ASAP2: variants seen among roughly 807,000 people sequenced by gnomAD.
ASAP2 encodes arf-GAP with SH3 domain, ANK repeat and PH domain-containing protein 2.
In ASAP2, 45 loss-of-function variants were observed where a neutral mutation model predicts 131.4. The ratio of observed to expected loss-of-function variants is 0.34; its 90% CI spans 0.27 to 0.44. The LOEUF is 0.44. ASAP2 is among the 20% of genes least tolerant of loss of function. ASAP2 has a pLI of 1.00. For missense variants in ASAP2, 1,011 were observed against 1,297.0 expected, an observed-to-expected ratio of 0.78 and a Z score of 3.39; for synonymous variants, 510 against 503.0, an observed-to-expected ratio of 1.01 and a Z score of -0.19.
intron 1 of ASAP2, among the ~76,000 whole-genome samples, chr2:9,265,846 C>T (rs150086919): frequency 3.2e-4 from 48 of 152,354 alleles, no homozygotes; most frequent in African/African-American, 1.1e-3. Flanking sequence ...GATCTTGACT[C>T]ACTGCAACCT....
chr2:9,233,041 C>T (rs1011286082), intron 1 of ASAP2, among the ~76,000 whole-genome samples: 2 of 152,118 alleles, frequency 1.3e-5, no homozygotes, highest in Non-Finnish European at 2.9e-5. Context: ...GAGAATGCTG[C>T]CAGTCTGTGC....
At position 9,389,323 on chromosome 2, in the gene ASAP2, C is replaced by T. The variant is rs1020694839; in HGVS notation, c.2383+777C>T. On this transcript the variant is annotated intron_variant, in intron 22 of 27. Transcript: ENST00000281419. The surrounding 1 kb of genome is among the most constrained non-coding windows in gnomAD (Gnocchi z 4.7). ...GAAGGAGGCTGCTGAGACTTTGATG[C>T]GGGGCGGGGGGCCCAGGAAGGACAA... Among the ~76,000 whole-genome samples the T allele has an allele frequency of 4.6e-5, 7 of 152,130 alleles. No homozygotes were observed. The highest frequency in any genetic ancestry group is 2.1e-4 in the South Asian group (1 of 4,826).
chr2:9,386,975 C>T (rs557801032), intron 21 of ASAP2, among the ~76,000 whole-genome samples: 12 of 151,856 alleles, frequency 7.9e-5, no homozygotes, highest in South Asian at 2.1e-4. Flanking sequence ...GAGGCTGAGG[C>T]GGGCGGATCA....
intron 3 of ASAP2, among the ~76,000 whole-genome samples, chr2:9,303,744 T>C (rs909386141): frequency 6.6e-6 from 1 of 152,268 alleles, no homozygotes; most frequent in African/African-American, 2.4e-5. Flanking sequence ...GTCAGATATC[T>C]ACATTTTGGT....
Position 9,374,757 on chromosome 2 carries a change from A to G in ASAP2, c.1559A>G (p.Asn520Ser), listed in dbSNP as rs149961218. Residue 520 changes from asparagine to serine, a missense_variant and splice_region_variant, in exon 17 of 28, where the codon AAT (asparagine) becomes AGT (serine). Asn to Ser is a conservative substitution (Grantham distance 46, BLOSUM62 1). Transcript: ENST00000281419. ...SVKPNPGSDM[N>S]ARKDYITAKY... is the part of the protein sequence containing the mutation. ...AAGGCAATTACGTTTGGTTTCAGGA[A>G]TGCAAGAAAGGACTACATCACAGCC... The G allele has an allele frequency of 5.7e-6, 9 of 1,591,958 alleles. No homozygotes were observed. The highest frequency in any genetic ancestry group is 6.8e-6 in the Non-Finnish European group (8 of 1,170,410).
chr2:9,400,399 T>C (rs1172146353), intron 25 of ASAP2, among the ~76,000 whole-genome samples: 1 of 58,920 alleles, frequency 1.7e-5, no homozygotes. Context: ...CACCCCTCCC[T>C]TCCCCTCCCC....
At chr2:9,346,288 A>C (rs902270058) in intron 11 of ASAP2, among the ~76,000 whole-genome samples, 3 of 152,112 alleles carry the variant, frequency 2.0e-5, no homozygotes, top group African/African-American at 4.8e-5. Flanking sequence ...TTAGCCAGGC[A>C]TGGTGGTGCA....
At chr2:9,339,886 G>A (rs1349959716) in intron 9 of ASAP2, among the ~76,000 whole-genome samples, 1 of 152,182 alleles carries the variant, frequency 6.6e-6, no homozygotes, top group East Asian at 1.9e-4. Flanking sequence ...CTCTAGGGGA[G>A]GAGGGACCTG....
intron 1 of ASAP2, among the ~76,000 whole-genome samples, chr2:9,264,834 G>A (rs954159990): frequency 2.0e-5 from 3 of 152,052 alleles, no homozygotes; most frequent in African/African-American, 7.2e-5. Context: ...AACTAATACA[G>A]CAATTTAAAA....
intron 1 of ASAP2, among the ~76,000 whole-genome samples, chr2:9,235,571 G>C (rs995092239): frequency 6.6e-6 from 1 of 152,164 alleles, no homozygotes; most frequent in Non-Finnish European, 1.5e-5. Context: ...GGAGTGAAGG[G>C]AGTGAAGTAA....
At chr2:9,399,804 A>G (rs1168952803) in intron 24 of ASAP2, 1 of 581,522 alleles carries the variant, frequency 1.7e-6, no homozygotes, top group Non-Finnish European at 3.1e-6. Context: ...AGTGCTCTGG[A>G]AAAGCCCTGG....
At chr2:9,214,927 T>A (rs1438000216) in intron 1 of ASAP2, among the ~76,000 whole-genome samples, 2 of 152,220 alleles carry the variant, frequency 1.3e-5, no homozygotes, top group Admixed American at 1.3e-4. Flanking sequence ...GTGATCTGCC[T>A]CTTCAGAAAA....
intron 1 of ASAP2, among the ~76,000 whole-genome samples, chr2:9,211,591 A>G (rs934124001): frequency 2.6e-5 from 4 of 152,144 alleles, no homozygotes; most frequent in African/African-American, 9.7e-5. Flanking sequence ...AATTTAATCT[A>G]CTTCCTTCCG....
intron 23 of ASAP2, among the ~76,000 whole-genome samples, chr2:9,391,772 A>G (rs1183261758): frequency 7.0e-6 from 1 of 142,064 alleles, no homozygotes; most frequent in African/African-American, 2.7e-5. Context: ...TTTAGTAGAG[A>G]TGGGGTTTCA....
intron 23 of ASAP2, among the ~76,000 whole-genome samples, chr2:9,391,599 A>G (rs1053306770): frequency 7.0e-6 from 1 of 142,036 alleles, no homozygotes; most frequent in African/African-American, 2.6e-5. Flanking sequence ...TTTTTGAGAC[A>G]GAGTCTCACT....
intron 1 of ASAP2, among the ~76,000 whole-genome samples, chr2:9,260,369 C>A (rs1006638586): frequency 6.6e-6 from 1 of 152,152 alleles, no homozygotes; most frequent in African/African-American, 2.4e-5. Context: ...CCTTCGGGCC[C>A]TCCCTCAGCT....
intron 1 of ASAP2, among the ~76,000 whole-genome samples, chr2:9,214,394 C>A (rs1661840697): frequency 6.6e-6 from 1 of 152,112 alleles, no homozygotes; most frequent in African/African-American, 2.4e-5. Flanking sequence ...TGACTGCCAC[C>A]ATGCCCGGCT....
At position 9,374,848 on chromosome 2, in the gene ASAP2, T is replaced by C; in HGVS notation, c.1650T>C (p.Leu550=). 1.2e-6 allele frequency: 2 copies of C among 1,614,118 alleles called. No homozygotes were observed. Among genetic ancestry groups the C allele is most frequent in the Non-Finnish European group, 8.5e-7 (1 of 1,180,012 alleles). Residue 550 remains leucine, a synonymous_variant, in exon 17 of 28, where the codon CTT becomes CTC. Coordinates refer to ENST00000281419, the MANE Select transcript of ASAP2 (RefSeq NM_003887.3). ...HADNAAKLHS[L]CEAVKTRDIF... ...ATAACGCGGCGAAGCTTCACAGTCT[T>C]TGCGAGGCCGTCAAAACGAGAGATA...
chr2:9,362,223 A>T (rs138583018), intron 15 of ASAP2, among the ~76,000 whole-genome samples: 118 of 152,104 alleles, frequency 7.8e-4, no homozygotes, highest in African/African-American at 2.7e-3. Flanking sequence ...TGACTTGCTT[A>T]TTGAAGTATG....
Sources: allele counts gnomAD v4.1 joint callset (sites outside exome capture counted in the v4.1 genomes callset), GRCh38; gene constraint gnomAD v4.1.1; non-coding constraint Gnocchi (gnomAD v3.1); transcripts MANE v1.5; gene names NCBI Gene and HGNC (gene_info 2026-07-23, HGNC 2026-07-21).